Variants in AGBL4 observed in about 807,000 individuals in gnomAD.
AGBL4 encodes the protein cytosolic carboxypeptidase 6.
In AGBL4, 58 loss-of-function variants were observed where a neutral mutation model predicts 66.4. The observed-to-expected ratio is 0.87, with a 90% CI of 0.71 to 1.09. The LOEUF (loss-of-function observed/expected upper bound fraction) is 1.09. AGBL4 is among the 50% of genes least tolerant of loss of function. AGBL4 has a pLI of 0.00. For missense variants in AGBL4, 579 were observed against 631.0 expected, an observed-to-expected ratio of 0.92 and a Z score of 0.88; for synonymous variants, 234 against 222.9, an observed-to-expected ratio of 1.05 and a Z score of -0.44.
intron 1 of AGBL4, among the ~76,000 whole-genome samples, chr1:49,899,926 C>T (rs934746413): frequency 2.0e-5 from 3 of 152,006 alleles, no homozygotes; most frequent in Admixed American, 1.3e-4. Context: ...CCTGTAATCC[C>T]AGCTACAGGG....
At chr1:48,851,128 T>C (rs1178826037) in intron 6 of AGBL4, among the ~76,000 whole-genome samples, 1 of 152,188 alleles carries the variant, frequency 6.6e-6, no homozygotes, top group Admixed American at 6.5e-5. Flanking sequence ...TGGATACCTT[T>C]TTAAAACACT....
At chr1:49,573,275 G>T (rs890818362) in intron 3 of AGBL4, among the ~76,000 whole-genome samples, 1 of 151,630 alleles carries the variant, frequency 6.6e-6, no homozygotes, top group Non-Finnish European at 1.5e-5. Context: ...GAATATTAAG[G>T]ATGGAGTTCT....
intron 6 of AGBL4, among the ~76,000 whole-genome samples, chr1:48,788,496 G>A (rs754200857): frequency 2.0e-5 from 3 of 151,994 alleles, no homozygotes; most frequent in Non-Finnish European, 2.9e-5. Context: ...TAGGACTTAA[G>A]TTGAGTTTGG....
chr1:49,151,914 A>G (rs1646343504), intron 4 of AGBL4, among the ~76,000 whole-genome samples: 1 of 152,160 alleles, frequency 6.6e-6, no homozygotes, highest in African/African-American at 2.4e-5. Context: ...TCAGAGATAA[A>G]GGCTTCCAGA....
chr1:49,210,613 C>T (rs957822644), intron 4 of AGBL4, among the ~76,000 whole-genome samples: 3 of 152,056 alleles, frequency 2.0e-5, no homozygotes, highest in Non-Finnish European at 4.4e-5. Flanking sequence ...CCATCCCTAA[C>T]TACTTGAAAA....
intron 5 of AGBL4, among the ~76,000 whole-genome samples, chr1:48,985,692 A>T (rs1174947164): frequency 1.3e-5 from 2 of 152,120 alleles, no homozygotes; most frequent in African/African-American, 4.8e-5. Context: ...AAGTTTAAAA[A>T]CATTTACAGG....
intron 5 of AGBL4, among the ~76,000 whole-genome samples, chr1:48,993,568 GCCTAGGAGTAACAGT>G (rs1660773507): frequency 6.6e-6 from 1 of 152,140 alleles, no homozygotes; most frequent in African/African-American, 2.4e-5. Context: ...ACTAGGACTT[GCCTAGGAGTAACAGT>G]CCTTGTGATC....
intron 5 of AGBL4, among the ~76,000 whole-genome samples, chr1:49,006,565 C>T (rs1661842528): frequency 6.6e-6 from 1 of 152,190 alleles, no homozygotes; most frequent in Non-Finnish European, 1.5e-5. Flanking sequence ...GGCTCCACCT[C>T]TGGGGGCAGG....
intron 3 of AGBL4, among the ~76,000 whole-genome samples, chr1:49,248,072 G>T (rs578207059): frequency 2.6e-5 from 4 of 152,270 alleles, no homozygotes; most frequent in East Asian, 1.9e-4. Context: ...AACATCGCTT[G>T]TGGTGGAGAG....
At position 48,622,608 on chromosome 1, in the gene AGBL4, C is replaced by T. The variant is rs994081574; in HGVS notation, c.951+11885G>A. ...AAGGGATTCTCATGCCTCAGCCTCC[C>T]GAGTAGCTGGGACTACAGGCACCCA... On this transcript the variant is annotated intron_variant, in intron 9 of 13. Transcript: ENST00000371839. Among the ~76,000 whole-genome samples, 7 of 151,190 alleles carry T rather than the reference C, an allele frequency of 4.6e-5. No homozygotes were observed. In the East Asian group the frequency reaches 1.2e-3, roughly 25 times the overall value.
intron 8 of AGBL4, among the ~76,000 whole-genome samples, chr1:48,647,122 A>C (rs895250197): frequency 3.3e-5 from 5 of 152,202 alleles, no homozygotes; most frequent in African/African-American, 1.2e-4. Context: ...AAGGATTGCC[A>C]AGGCCAAGAG....
intron 1 of AGBL4, among the ~76,000 whole-genome samples, chr1:49,890,281 C>T (rs1015468057): frequency 6.6e-6 from 1 of 152,178 alleles, no homozygotes; most frequent in Non-Finnish European, 1.5e-5. Flanking sequence ...AATCATGACT[C>T]ATTCATGCAT....
intron 3 of AGBL4, among the ~76,000 whole-genome samples, chr1:49,382,432 GA>G (rs1410295403): frequency 2.0e-5 from 3 of 150,612 alleles, no homozygotes; most frequent in East Asian, 2.0e-4. Context: ...AGTTGATAGA[GA>G]AAAAAAATTT....
At chr1:48,777,621 T>A (rs991367132) in intron 6 of AGBL4, among the ~76,000 whole-genome samples, 2 of 152,158 alleles carry the variant, frequency 1.3e-5, no homozygotes, top group South Asian at 2.1e-4. Flanking sequence ...CTGGGGCTTA[T>A]CTGAGATTTC....
At chr1:49,934,048 G>A (rs1653662267) in intron 1 of AGBL4, among the ~76,000 whole-genome samples, 1 of 152,072 alleles carries the variant, frequency 6.6e-6, no homozygotes, top group African/African-American at 2.4e-5. Flanking sequence ...CATGTGGGCT[G>A]AAAATGAAGG....
At chr1:49,797,040 T>C (rs1281087281) in intron 2 of AGBL4, among the ~76,000 whole-genome samples, 1 of 152,158 alleles carries the variant, frequency 6.6e-6, no homozygotes, top group South Asian at 2.1e-4. Flanking sequence ...TTATAAGAAA[T>C]AGGAGGATTA....
intron 3 of AGBL4, among the ~76,000 whole-genome samples, chr1:49,355,713 T>C (rs1644005803): frequency 6.6e-6 from 1 of 152,226 alleles, no homozygotes; most frequent in Non-Finnish European, 1.5e-5. Flanking sequence ...TTTTTTGCTA[T>C]TCTTCAAAGA....
At chr1:49,593,463 A>G (rs983613546) in intron 3 of AGBL4, among the ~76,000 whole-genome samples, 10 of 152,190 alleles carry the variant, frequency 6.6e-5, no homozygotes, top group Non-Finnish European at 1.5e-5. Context: ...AACTATAACT[A>G]TACATAAACT....
At chr1:49,260,984 C>A (rs79725939) in intron 3 of AGBL4, among the ~76,000 whole-genome samples, 1 of 150,190 alleles carries the variant, frequency 6.7e-6, no homozygotes, top group South Asian at 2.2e-4. Context: ...TTCATCCCTG[C>A]GATGCAAGGC....
Sources: gnomAD v4.1 joint callset for allele counts (sites outside exome capture counted in the v4.1 genomes callset) on GRCh38, gnomAD v4.1.1 for gene constraint, MANE v1.5 for transcripts, NCBI Gene and HGNC (gene_info 2026-07-23, HGNC 2026-07-21) for gene names.